The following IGF1R variants were observed in gnomAD, a reference collection of about 807,000 sequenced individuals.
IGF1R encodes the protein insulin-like growth factor 1 receptor.
In IGF1R, 44 loss-of-function variants were observed where a neutral mutation model predicts 144.6. The ratio of observed to expected loss-of-function variants is 0.30; its 90% CI spans 0.24 to 0.39. IGF1R has a LOEUF of 0.39. IGF1R is among the 10% of genes least tolerant of loss of function. IGF1R has a pLI of 1.00. For synonymous variants in IGF1R, 795 were observed against 722.8 expected (o/e 1.10, Z -1.60); for missense variants, 1,355 against 1,833.7 (o/e 0.74, Z 4.77).
At chr15:98,912,094 C>T (rs1052908689) in intron 7 of IGF1R, among the ~76,000 whole-genome samples, 3 of 152,182 alleles carry the variant, frequency 2.0e-5, no homozygotes, top group Non-Finnish European at 2.9e-5. Context: ...TCTTTGATCT[C>T]CCTCTTCCTT....
intron 2 of IGF1R, among the ~76,000 whole-genome samples, chr15:98,768,931 AACAACAAC>A (rs1413614161): frequency 3.8e-4 from 46 of 122,264 alleles, no homozygotes; most frequent in East Asian, 2.4e-3. Context: ...CCGTCTCAAA[AACAACAAC>A]AACAACAACA....
In IGF1R at chr15:98,891,268, G is replaced by A; in HGVS notation, c.641-57G>A. 5.2e-6 allele frequency: 8 copies of A among 1,548,498 alleles called. No individual in the cohort carries two copies. Among genetic ancestry groups the A allele is most frequent in the Non-Finnish European group, 6.2e-6 (7 of 1,138,188 alleles). ...CCCAGAAGGATGCTGGCCAGGCCCA[G>A]AGAAGGCGGTGCCTCCCCTGCCCGG... is the stretch of plus-strand genomic sequence containing the variant. On this transcript the variant is annotated intron_variant, in intron 2 of 20. Coordinates refer to ENST00000650285, the MANE Select transcript of IGF1R (RefSeq NM_000875.5). This position sits in a 1 kb window ranked among gnomAD's most constrained non-coding sequence, Gnocchi z 4.7.
chr15:98,964,131 T>TAA lies in IGF1R; in HGVS notation c.*6696_*6697dup, dbSNP rs558651448. 4 of 231,994 alleles carry TAA rather than the reference T, an allele frequency of 1.7e-5. No individual in the cohort carries two copies. The highest frequency in any genetic ancestry group is 8.9e-5 in the African/African-American group (4 of 45,126). 14.4% of individuals were successfully genotyped at this position (231,994 alleles called of 1,614,324 possible). A position where few individuals can be genotyped will look rare whatever the true frequency, so the allele number is the denominator to read the frequency against. ...CCTCTGGGTATCCCTTTGTCTGGGA[T>TAA]AAAAAAAATCAAACCAGAAGGCGGG... On this transcript the variant is annotated 3_prime_UTR_variant, in exon 21 of 21. Coordinates refer to ENST00000650285, the MANE Select transcript of IGF1R (RefSeq NM_000875.5).
At chr15:98,880,038 T>A (rs2013288852) in intron 2 of IGF1R, among the ~76,000 whole-genome samples, 1 of 152,184 alleles carries the variant, frequency 6.6e-6, no homozygotes, top group African/African-American at 2.4e-5. Context: ...ATTGTTAAGA[T>A]TAATTGTGGT....
At position 98,958,717 on chromosome 15, in the gene IGF1R, A is replaced by G; in HGVS notation, c.*1275A>G. 8.7e-6 allele frequency: 2 copies of G among 229,594 alleles called. No individual in the cohort carries two copies. The highest frequency in any genetic ancestry group is 1.2e-4 in the East Asian group (2 of 16,206). 14.2% of individuals were successfully genotyped at this position (229,594 alleles called of 1,614,324 possible). On this transcript the variant is annotated 3_prime_UTR_variant, in exon 21 of 21. Coordinates refer to ENST00000650285, the MANE Select transcript of IGF1R (RefSeq NM_000875.5). ...TCTGTACAGAAAAAAAAAAGCTGCT[A>G]TTTTTTTTGTTCTTGATCTTTGTGG... is the stretch of plus-strand genomic sequence containing the variant.
chr15:98,904,847 C>T (rs1160157438), intron 5 of IGF1R, among the ~76,000 whole-genome samples: 1 of 152,206 alleles, frequency 6.6e-6, no homozygotes, highest in African/African-American at 2.4e-5. Context: ...GGCACAGGAC[C>T]TTCCTGTTCT....
At position 98,677,158 on chromosome 15, in the gene IGF1R, A is replaced by G. The variant is rs570233864; in HGVS notation, c.94+27483A>G. Among the ~76,000 whole-genome samples the G allele has an allele frequency of 3.3e-5, 5 of 151,918 alleles. No homozygotes were observed. The South Asian group carries it at 1.0e-3, about 32-fold the overall frequency. On this transcript the variant is annotated intron_variant, in intron 1 of 20. Coordinates refer to ENST00000650285, the MANE Select transcript of IGF1R (RefSeq NM_000875.5). ...TGCTGTGTTGCCCAGGCTGGTCTCA[A>G]ACTCATGACCTCAAGTGATCCTCCC...
chr15:98,665,717 G>A (rs1355852366), intron 1 of IGF1R, among the ~76,000 whole-genome samples: 1 of 152,232 alleles, frequency 6.6e-6, no homozygotes, highest in East Asian at 1.9e-4. Context: ...GCAAGGATGA[G>A]CATCCCCAGC....
chr15:98,733,871 C>T (rs2054552911), intron 2 of IGF1R, among the ~76,000 whole-genome samples: 1 of 152,146 alleles, frequency 6.6e-6, no homozygotes, highest in Non-Finnish European at 1.5e-5. Context: ...CATCCCCTTT[C>T]TCAAAAGTCT....
intron 3 of IGF1R, among the ~76,000 whole-genome samples, chr15:98,892,159 A>T (rs2013956193): frequency 6.6e-6 from 1 of 152,040 alleles, no homozygotes. Context: ...TTCCATCAGC[A>T]CTTCCTTCCT....
chr15:98,909,070 A>G (rs2014868346), intron 6 of IGF1R, among the ~76,000 whole-genome samples, 171 bp downstream of exon 6: 1 of 152,170 alleles, frequency 6.6e-6, no homozygotes, highest in Admixed American at 6.5e-5. Flanking sequence ...CACAATCAGT[A>G]GTGGGCAGAT....
Position 98,649,358 on chromosome 15 carries a change from T to C in IGF1R, c.-224T>C, listed in dbSNP as rs997856782. The C allele has an allele frequency of 4.2e-6, 1 of 236,490 alleles. No homozygotes were observed. The highest frequency in any genetic ancestry group is 8.1e-6 in the Non-Finnish European group (1 of 124,048). The allele number at this position is 236,490 out of a possible 1,614,324, so 14.6% of individuals were successfully genotyped here. On this transcript the variant is annotated 5_prime_UTR_variant, in exon 1 of 21. Coordinates refer to ENST00000650285, the MANE Select transcript of IGF1R (RefSeq NM_000875.5). ...ACTCCGCCGAGCCCTGGGCCGCTGCTGCCGGCGCTGAGGGGCCGCCCCGCG... is the reference window on the plus strand; with the variant it reads ...ACTCCGCCGAGCCCTGGGCCGCTGCCGCCGGCGCTGAGGGGCCGCCCCGCG...
At chr15:98,836,637 G>A (rs377591791) in intron 2 of IGF1R, among the ~76,000 whole-genome samples, 1 of 151,596 alleles carries the variant, frequency 6.6e-6, no homozygotes, top group Non-Finnish European at 1.5e-5. Context: ...ACACAATACT[G>A]TTAACCATGG....
At chr15:98,660,734 A>G (rs532344049) in intron 1 of IGF1R, 2 of 152,344 alleles carry the variant, frequency 1.3e-5, no homozygotes, top group South Asian at 4.1e-4. Flanking sequence ...CTGGAAGGGT[A>G]ATTTGTGAGT....
chr15:98,913,797 T>G (rs1477752549), intron 8 of IGF1R, among the ~76,000 whole-genome samples: 1 of 152,190 alleles, frequency 6.6e-6, no homozygotes, highest in Non-Finnish European at 1.5e-5. Flanking sequence ...TTCCTTTATC[T>G]TTAGGTTCTA....
chr15:98,870,654 G>A (rs973300481), intron 2 of IGF1R, among the ~76,000 whole-genome samples: 1 of 152,188 alleles, frequency 6.6e-6, no homozygotes, highest in African/African-American at 2.4e-5. Context: ...TACTGTCAGC[G>A]CTTCTGTGTT....
At chr15:98,754,984 C>T (rs535950010) in intron 2 of IGF1R, among the ~76,000 whole-genome samples, 3 of 151,992 alleles carry the variant, frequency 2.0e-5, no homozygotes, top group East Asian at 1.9e-4. Context: ...TTTGTGTTAT[C>T]GAAACAGATA....
intron 2 of IGF1R, chr15:98,873,827 C>T (rs1196280215): frequency 1.3e-5 from 2 of 152,206 alleles, no homozygotes; most frequent in African/African-American, 4.8e-5. Flanking sequence ...GGTATCCTTT[C>T]AACCCTCAAA....
At chr15:98,758,933 G>A (rs1303891267) in intron 2 of IGF1R, among the ~76,000 whole-genome samples, 1 of 152,200 alleles carries the variant, frequency 6.6e-6, no homozygotes, top group Non-Finnish European at 1.5e-5. Flanking sequence ...GTCTGCATTT[G>A]GAAACAGTTC....
Sources: gnomAD v4.1 joint callset for allele counts (sites outside exome capture counted in the v4.1 genomes callset) on GRCh38, gnomAD v4.1.1 for gene constraint, Gnocchi (gnomAD v3.1) non-coding constraint, MANE v1.5 for transcripts, NCBI Gene and HGNC (gene_info 2026-07-23, HGNC 2026-07-21) for gene names.